The following HS6ST3 variants were observed in gnomAD, a reference collection of about 807,000 sequenced individuals.
HS6ST3 encodes heparan sulfate 6-O-sulfotransferase 3.
HS6ST3 carries 12 observed loss-of-function variants against 36.7 expected under a neutral mutation model. The observed-to-expected ratio is 0.33, with a 90% CI of 0.21 to 0.53. The LOEUF (loss-of-function observed/expected upper bound fraction) is 0.53. Among genes scored for constraint, HS6ST3 ranks in the 20% least tolerant of loss-of-function variants. HS6ST3 has a pLI of 0.95. For synonymous variants in HS6ST3, 240 were observed against 257.5 expected (o/e 0.93, Z 0.65); for missense variants, 584 against 640.9 (o/e 0.91, Z 0.96).
intron 1 of HS6ST3, among the ~76,000 whole-genome samples, chr13:96,784,377 T>A (rs1420032112): frequency 6.6e-6 from 1 of 152,152 alleles, no homozygotes; most frequent in East Asian, 1.9e-4. Flanking sequence ...ATTTTCATAT[T>A]TTTATTTTTC....
intron 1 of HS6ST3, among the ~76,000 whole-genome samples, chr13:96,205,374 TC>T (rs1566287141): frequency 6.6e-6 from 1 of 152,152 alleles, no homozygotes; most frequent in Non-Finnish European, 1.5e-5. Context: ...TCATCCAGAT[TC>T]ACAGCTGAAT....
chr13:96,546,969 A>G (rs2056200261), intron 1 of HS6ST3, among the ~76,000 whole-genome samples: 1 of 152,180 alleles, frequency 6.6e-6, no homozygotes, highest in African/African-American at 2.4e-5. Flanking sequence ...GCAGGAGAAT[A>G]TGGTCTGGGT....
chr13:96,104,356 G>A (rs1279293045), intron 1 of HS6ST3, among the ~76,000 whole-genome samples: 1 of 152,116 alleles, frequency 6.6e-6, no homozygotes, highest in African/African-American at 2.4e-5. Flanking sequence ...AGATTTCCAT[G>A]GCTTGAGACC....
intron 1 of HS6ST3, among the ~76,000 whole-genome samples, chr13:96,551,530 G>A (rs1012659351): frequency 4.6e-5 from 7 of 152,042 alleles, no homozygotes; most frequent in African/African-American, 1.2e-4. Flanking sequence ...ACTCTTGGGG[G>A]GTAGGTGGAT....
intron 1 of HS6ST3, among the ~76,000 whole-genome samples, chr13:96,478,841 A>G (rs1022717710): frequency 2.0e-5 from 3 of 152,194 alleles, no homozygotes; most frequent in Admixed American, 6.5e-5. Context: ...TAGGGTCACA[A>G]AGTTTCCAAG....
intron 1 of HS6ST3, among the ~76,000 whole-genome samples, chr13:96,660,849 A>G (rs1176488978): frequency 2.1e-4 from 32 of 152,154 alleles, no homozygotes; most frequent in Non-Finnish European, 1.5e-5. Flanking sequence ...CTGGGAGAGG[A>G]AGACCCACCT....
chr13:96,764,688 C>G (rs1190214677), intron 1 of HS6ST3, among the ~76,000 whole-genome samples: 2 of 152,154 alleles, frequency 1.3e-5, no homozygotes, highest in Non-Finnish European at 2.9e-5. Flanking sequence ...AGGATCCTTG[C>G]TTGCTGAGAG....
chr13:96,626,975 C>T (rs2056514949), intron 1 of HS6ST3, among the ~76,000 whole-genome samples: 1 of 152,014 alleles, frequency 6.6e-6, no homozygotes, highest in South Asian at 2.1e-4. Flanking sequence ...GCTGTGAATA[C>T]ACTCATATCA....
chr13:96,193,451 A>G (rs2139347027), intron 1 of HS6ST3, among the ~76,000 whole-genome samples: 1 of 152,274 alleles, frequency 6.6e-6, no homozygotes, highest in Non-Finnish European at 1.5e-5. Context: ...AGAAAAGTGA[A>G]GGGAACTTTG....
intron 1 of HS6ST3, among the ~76,000 whole-genome samples, chr13:96,619,329 C>T (rs145811054): frequency 6.6e-6 from 1 of 152,194 alleles, no homozygotes; most frequent in African/African-American, 2.4e-5. Context: ...CATCAATTAT[C>T]CCATTTTTCT....
chr13:96,695,882 G>C (rs966080333), intron 1 of HS6ST3, among the ~76,000 whole-genome samples: 35 of 152,016 alleles, frequency 2.3e-4, no homozygotes, highest in African/African-American at 8.4e-4. Context: ...AAAAATAAGG[G>C]GTTAAAGAAT....
chr13:96,262,491 TC>T (rs1594736202), intron 1 of HS6ST3, among the ~76,000 whole-genome samples: 1 of 152,202 alleles, frequency 6.6e-6, no homozygotes, highest in East Asian at 1.9e-4. Context: ...TTGTAATTGT[TC>T]CTTTACATAG....
chr13:96,546,710 C>T (rs1450695032), intron 1 of HS6ST3, among the ~76,000 whole-genome samples: 1 of 152,160 alleles, frequency 6.6e-6, no homozygotes, highest in Non-Finnish European at 1.5e-5. Context: ...AATTACTCTT[C>T]TTCCTTTTAA....
intron 1 of HS6ST3, among the ~76,000 whole-genome samples, chr13:96,599,110 T>G (rs2056412460): frequency 6.6e-6 from 1 of 152,054 alleles, no homozygotes; most frequent in Admixed American, 6.6e-5. Flanking sequence ...TCATCATGGA[T>G]TGGATATTGG....
chr13:96,253,929 C>A (rs1018123846), intron 1 of HS6ST3, among the ~76,000 whole-genome samples: 2 of 152,050 alleles, frequency 1.3e-5, no homozygotes, highest in Non-Finnish European at 2.9e-5. Flanking sequence ...AAAGATTGAC[C>A]ATTTTTTCTT....
chr13:96,536,357 C>T (rs1016284958), intron 1 of HS6ST3, among the ~76,000 whole-genome samples: 2 of 152,198 alleles, frequency 1.3e-5, no homozygotes, highest in African/African-American at 4.8e-5. Flanking sequence ...ACAGCAATCA[C>T]TTAATAGCCT....
At chr13:96,181,042 G>A (rs2054237488) in intron 1 of HS6ST3, among the ~76,000 whole-genome samples, 1 of 152,076 alleles carries the variant, frequency 6.6e-6, no homozygotes, top group Non-Finnish European at 1.5e-5. Flanking sequence ...TTAATGTTCT[G>A]TTATCACATG....
Position 96,213,548 on chromosome 13 carries a change from A to G in HS6ST3, c.707+121979A>G, listed in dbSNP as rs565258895. ...GACAATTTTTTTTTTTTTTTTTTAGATGGAATCTTGTTCTCTTGCCCAGGC... is the reference window on the plus strand; with the variant it reads ...GACAATTTTTTTTTTTTTTTTTTAGGTGGAATCTTGTTCTCTTGCCCAGGC... On this transcript the variant is annotated intron_variant, in intron 1 of 1. Coordinates refer to ENST00000376705, the MANE Select transcript of HS6ST3 (RefSeq NM_153456.4). Among the ~76,000 whole-genome samples the G allele has an allele frequency of 2.6e-4, 37 of 143,182 alleles. No homozygotes were observed. In the South Asian group the frequency reaches 7.4e-3, roughly 29 times the overall value. 93.9% of individuals were successfully genotyped at this position (143,182 alleles called of 152,430 possible). A position where few individuals can be genotyped will look rare whatever the true frequency, so the allele number is the denominator to read the frequency against.
intron 1 of HS6ST3, among the ~76,000 whole-genome samples, chr13:96,476,416 G>T (rs2055864281): frequency 1.3e-5 from 2 of 152,100 alleles, no homozygotes; most frequent in Admixed American, 1.3e-4. Flanking sequence ...AGGCTGGAGT[G>T]CAATGGTGTG....
Sources: allele counts gnomAD v4.1 joint callset (sites outside exome capture counted in the v4.1 genomes callset), GRCh38; gene constraint gnomAD v4.1.1; transcripts MANE v1.5; gene names NCBI Gene and HGNC (gene_info 2026-07-23, HGNC 2026-07-21).